FER1L6: variants seen among roughly 807,000 people sequenced by gnomAD.
FER1L6 encodes fer-1-like protein 6.
A neutral mutation model predicts 219.2 loss-of-function variants in FER1L6; 177 were observed. The observed-to-expected ratio is 0.81, with a 90% confidence interval of 0.71 to 0.91. The LOEUF is 0.91. Among genes scored for constraint, FER1L6 ranks in the 40% least tolerant of loss-of-function variants. The probability of loss-of-function intolerance (pLI) is 0.00; values close to 1 mark genes in which losing one functional copy is unlikely to be tolerated. For synonymous variants in FER1L6, 768 were observed against 824.3 expected (o/e 0.93, Z 1.17); for missense variants, 2,153 against 2,259.9 (o/e 0.95, Z 0.96).
intron 18 of FER1L6, among the ~76,000 whole-genome samples, chr8:124,030,526 C>A (rs1225575742): frequency 6.6e-6 from 1 of 152,070 alleles, no homozygotes; most frequent in Non-Finnish European, 1.5e-5. Context: ...AAAGGAAACC[C>A]TTCCTAAGGA....
At chr8:124,083,080 A>G (rs1821633772) in intron 33 of FER1L6, among the ~76,000 whole-genome samples, 1 of 152,144 alleles carries the variant, frequency 6.6e-6, no homozygotes, top group Admixed American at 6.5e-5. Flanking sequence ...ATACAGGAAT[A>G]TAATGCATAA....
At chr8:124,006,090 T>A (rs185860916) in intron 13 of FER1L6, among the ~76,000 whole-genome samples, 2 of 152,194 alleles carry the variant, frequency 1.3e-5, no homozygotes, top group South Asian at 4.1e-4. Flanking sequence ...TTCTCAAAAC[T>A]GAGGCCATCA....
intron 22 of FER1L6, among the ~76,000 whole-genome samples, chr8:124,057,040 TCAAAAAAA>T (rs1317388811): frequency 6.6e-6 from 1 of 151,982 alleles, no homozygotes; most frequent in African/African-American, 2.4e-5. Flanking sequence ...TGAGACTGTC[TCAAAAAAA>T]CAAAAAAACA....
At chr8:123,890,303 G>A (rs1018260549) in intron 1 of FER1L6, among the ~76,000 whole-genome samples, 5 of 152,042 alleles carry the variant, frequency 3.3e-5, no homozygotes, top group African/African-American at 4.8e-5. Context: ...AATATCTATC[G>A]TGTTTTCTTT....
At chr8:123,941,604 C>T (rs1021847983) in intron 1 of FER1L6, among the ~76,000 whole-genome samples, 2 of 152,174 alleles carry the variant, frequency 1.3e-5, no homozygotes, top group African/African-American at 2.4e-5. Context: ...AGCCAGATGA[C>T]TTCTGTTGAT....
intron 39 of FER1L6, among the ~76,000 whole-genome samples, chr8:124,106,013 G>C (rs1028327286): frequency 4.6e-5 from 7 of 152,060 alleles, no homozygotes; most frequent in African/African-American, 1.7e-4. Context: ...AAGGGGAATG[G>C]GGAGCAACTG....
intron 1 of FER1L6, chr8:123,939,112 T>A: frequency 4.2e-6 from 4 of 955,798 alleles, no homozygotes; most frequent in Non-Finnish European, 5.0e-6. Flanking sequence ...GAAGCATAGG[T>A]TTGTACTTGC....
At chr8:123,928,765 C>T (rs1813659149) in intron 1 of FER1L6, among the ~76,000 whole-genome samples, 1 of 152,154 alleles carries the variant, frequency 6.6e-6, no homozygotes, top group Non-Finnish European at 1.5e-5. Flanking sequence ...AGGATAATAA[C>T]AAGGAAACAG....
intron 13 of FER1L6, among the ~76,000 whole-genome samples, chr8:124,008,989 A>C (rs1475287947): frequency 6.6e-6 from 1 of 152,234 alleles, no homozygotes; most frequent in African/African-American, 2.4e-5. Flanking sequence ...GCACAAAGCC[A>C]CCTTACTCCT....
At chr8:124,060,444 G>A in intron 23 of FER1L6, 104 bp from the exon 24 acceptor site, 1 of 1,495,152 alleles carries the variant, frequency 6.7e-7, no homozygotes, top group Non-Finnish European at 9.2e-7. Flanking sequence ...GAGGAACACA[G>A]CGTGGTTCTC....
chr8:124,013,488 G>T lies in FER1L6; in HGVS notation c.1879G>T (p.Glu627Ter). ...LIKISQEAPE[E>*]KMKTVLSDFI... ...CAAGATTTCACAGGAGGCACCTGAA[G>T]AGAAAATGAAAACAGTGCTCAGTGA... The change falls in exon 15 of 41, where the codon GAG becomes TAG. Residue 627 changes from glutamate (E) to a stop codon, truncating the protein, a stop_gained. Coordinates refer to ENST00000522917, the MANE Select transcript of FER1L6 (RefSeq NM_001039112.2). LOFTEE classifies it high-confidence loss of function. 6.2e-7 allele frequency: 1 copy of T among 1,610,672 alleles called. No homozygotes were observed. The highest frequency in any genetic ancestry group is 1.1e-5 in the South Asian group (1 of 90,402).
intron 1 of FER1L6, among the ~76,000 whole-genome samples, chr8:123,911,975 C>T (rs1482478902): frequency 6.6e-6 from 1 of 152,134 alleles, no homozygotes; most frequent in African/African-American, 2.4e-5. Flanking sequence ...GGTAGACTAG[C>T]CTCTGGCCTC....
At chr8:123,938,540 AAT>A (rs1814093815) in intron 1 of FER1L6, among the ~76,000 whole-genome samples, 2 of 118,972 alleles carry the variant, frequency 1.7e-5, no homozygotes, top group East Asian at 2.6e-4. Flanking sequence ...ATTTACCTGA[AAT>A]TTTTTTTTTT....
At chr8:123,899,028 G>A (rs927604819) in intron 1 of FER1L6, among the ~76,000 whole-genome samples, 1 of 151,798 alleles carries the variant, frequency 6.6e-6, no homozygotes, top group African/African-American at 2.4e-5. Flanking sequence ...CCTAGTATTG[G>A]GATTGCTGGA....
chr8:123,901,086 C>A (rs1812847488), intron 1 of FER1L6, among the ~76,000 whole-genome samples: 1 of 152,142 alleles, frequency 6.6e-6, no homozygotes, highest in Admixed American at 6.5e-5. Flanking sequence ...AGAACCAATT[C>A]TTCTTTGAAT....
intron 1 of FER1L6, among the ~76,000 whole-genome samples, chr8:123,874,571 C>A (rs546534901): frequency 9.2e-5 from 14 of 152,322 alleles, no homozygotes; most frequent in African/African-American, 3.1e-4. Flanking sequence ...ACCAATACAT[C>A]TACTGATACA....
chr8:124,064,183 A>G (rs1437633561), intron 25 of FER1L6, among the ~76,000 whole-genome samples, 164 bp from the exon 26 acceptor site: 4 of 152,198 alleles, frequency 2.6e-5, no homozygotes, highest in Non-Finnish European at 5.9e-5. Context: ...TCCTAGTGAG[A>G]TGGGTATTTT....
chr8:123,923,267 G>A (rs1225567808), intron 1 of FER1L6, among the ~76,000 whole-genome samples: 1 of 152,198 alleles, frequency 6.6e-6, no homozygotes, highest in Non-Finnish European at 1.5e-5. Context: ...CCATTTTCTA[G>A]GTGATGGGAC....
At chr8:123,972,755 C>G (rs1443641673) in intron 6 of FER1L6, among the ~76,000 whole-genome samples, 1 of 152,194 alleles carries the variant, frequency 6.6e-6, no homozygotes. Context: ...TTTCTCCACA[C>G]CTGCCAGTTT....
Sources: allele counts gnomAD v4.1 joint callset (sites outside exome capture counted in the v4.1 genomes callset), GRCh38; gene constraint gnomAD v4.1.1; transcripts MANE v1.5; gene names NCBI Gene and HGNC (gene_info 2026-07-23, HGNC 2026-07-21).